Variants in NELL1 observed in about 807,000 individuals in gnomAD.
NELL1 encodes the protein neural EGFL like 1.
A neutral mutation model predicts 107.4 loss-of-function variants in NELL1; 76 were observed. That is an observed-to-expected ratio of 0.71 (90% CI 0.59 to 0.86). The LOEUF is 0.86. NELL1 is among the 40% of genes least tolerant of loss of function. NELL1 has a pLI of 0.00. For missense variants in NELL1, 1,024 were observed against 1,005.5 expected, an observed-to-expected ratio of 1.02 and a Z score of -0.25; for synonymous variants, 353 against 341.2, an observed-to-expected ratio of 1.03 and a Z score of -0.38.
chr11:20,825,816 T>G (rs1003946209), intron 3 of NELL1, among the ~76,000 whole-genome samples: 35 of 151,272 alleles, frequency 2.3e-4, no homozygotes, highest in African/African-American at 8.4e-4. Context: ...TTTTGAAATG[T>G]GAGAAACACA....
intron 12 of NELL1, among the ~76,000 whole-genome samples, chr11:21,073,077 G>A (rs569411490): frequency 2.0e-5 from 3 of 152,192 alleles, no homozygotes; most frequent in African/African-American, 7.2e-5. Context: ...TGGCATTGTA[G>A]GTGTCTCGTC....
chr11:21,254,980 T>C (rs1858732919), intron 14 of NELL1, among the ~76,000 whole-genome samples: 1 of 152,006 alleles, frequency 6.6e-6, no homozygotes, highest in African/African-American at 2.4e-5. Flanking sequence ...GCAGAGGGAA[T>C]GGTAATGATC....
At chr11:21,178,907 C>G (rs886505057) in intron 13 of NELL1, among the ~76,000 whole-genome samples, 2 of 151,608 alleles carry the variant, frequency 1.3e-5, no homozygotes, top group African/African-American at 4.9e-5. Flanking sequence ...ATGTGGTTCT[C>G]AGAGATGGGA....
In NELL1 at chr11:21,229,199, T is replaced by C. The variant is rs538661951; in HGVS notation, c.1427-133T>C. 660 of 930,784 alleles carry C rather than the reference T, an allele frequency of 7.1e-4. 2 individuals are homozygous for C. The highest frequency in any genetic ancestry group is 9.0e-4 in the Non-Finnish European group (559 of 622,530). The allele number at this position is 930,784 out of a possible 1,614,324, so 57.7% of individuals were successfully genotyped here. On this transcript the variant is annotated intron_variant, in intron 13 of 19. Transcript: ENST00000357134. ...GAGTTTAGATTTCAACAGGAACTTT[T>C]AGGCGCATAGTAAGGTACTGACAAG...
chr11:21,121,317 A>G (rs1242788556), intron 13 of NELL1, among the ~76,000 whole-genome samples: 2 of 152,094 alleles, frequency 1.3e-5, no homozygotes, highest in Admixed American at 1.3e-4. Context: ...AGGGACTTGG[A>G]TGGTTCCTGG....
intron 12 of NELL1, among the ~76,000 whole-genome samples, chr11:21,088,451 A>G (rs1040900079): frequency 1.3e-5 from 2 of 152,172 alleles, no homozygotes; most frequent in African/African-American, 4.8e-5. Flanking sequence ...CCAGACTCAA[A>G]CCTGCCTTTG....
chr11:20,964,262 C>A (rs558420711), intron 12 of NELL1, among the ~76,000 whole-genome samples: 1 of 152,056 alleles, frequency 6.6e-6, no homozygotes, highest in South Asian at 2.1e-4. Flanking sequence ...GCAATAGGGG[C>A]CCTACTCATG....
intron 15 of NELL1, among the ~76,000 whole-genome samples, chr11:21,528,364 G>A (rs1378603846): frequency 6.6e-6 from 1 of 152,112 alleles, no homozygotes; most frequent in East Asian, 1.9e-4. Context: ...GGGTCATGGA[G>A]GCATAGCCCT....
intron 15 of NELL1, among the ~76,000 whole-genome samples, chr11:21,485,659 C>A (rs1200591321): frequency 2.0e-5 from 3 of 151,752 alleles, no homozygotes; most frequent in Non-Finnish European, 2.9e-5. Flanking sequence ...GTGGCCCCGC[C>A]CTCCCTGGAG....
At chr11:20,724,644 T>C (rs572073818) in intron 2 of NELL1, among the ~76,000 whole-genome samples, 5 of 152,286 alleles carry the variant, frequency 3.3e-5, no homozygotes, top group African/African-American at 9.6e-5. Context: ...TTATCAGCAT[T>C]TGGTCAAAAC....
At chr11:21,003,630 A>G (rs1590527081) in intron 12 of NELL1, among the ~76,000 whole-genome samples, 1 of 152,208 alleles carries the variant, frequency 6.6e-6, no homozygotes, top group South Asian at 2.1e-4. Context: ...TGTTTTTGGT[A>G]CAGAGACCTA....
intron 15 of NELL1, among the ~76,000 whole-genome samples, chr11:21,511,659 C>A (rs964264551): frequency 6.6e-6 from 1 of 152,008 alleles, no homozygotes; most frequent in Non-Finnish European, 1.5e-5. Flanking sequence ...ATTTGAACTG[C>A]GAGCTAAATA....
chr11:21,173,929 G>T (rs1856659525), intron 13 of NELL1, among the ~76,000 whole-genome samples: 1 of 151,818 alleles, frequency 6.6e-6, no homozygotes, highest in African/African-American at 2.4e-5. Context: ...AATAATTATG[G>T]CAGTGGCTAT....
intron 13 of NELL1, among the ~76,000 whole-genome samples, chr11:21,115,480 G>T (rs1855213697): frequency 6.6e-6 from 1 of 151,980 alleles, no homozygotes; most frequent in Admixed American, 6.6e-5. Context: ...CAGAAGGTTG[G>T]GTGCTGTGGA....
intron 3 of NELL1, among the ~76,000 whole-genome samples, chr11:20,846,793 C>T (rs1848708862): frequency 6.6e-6 from 1 of 152,162 alleles, no homozygotes; most frequent in Non-Finnish European, 1.5e-5. Context: ...ATGACAATGA[C>T]ACATTTCAGA....
chr11:21,363,787 A>T (rs1246274416), intron 14 of NELL1, among the ~76,000 whole-genome samples: 1 of 152,228 alleles, frequency 6.6e-6, no homozygotes, highest in Non-Finnish European at 1.5e-5. Flanking sequence ...CACAGGTTCA[A>T]GATGATATAC....
intron 2 of NELL1, among the ~76,000 whole-genome samples, chr11:20,727,404 A>G (rs4528324): frequency 0.61 from 92,450 of 151,986 alleles, 28,794 homozygotes; most frequent in Middle Eastern, 0.78. Context: ...TCTTTTGAGA[A>G]GTGTCTGTTC....
intron 14 of NELL1, among the ~76,000 whole-genome samples, chr11:21,282,698 G>C (rs917194882): frequency 6.6e-6 from 1 of 152,054 alleles, no homozygotes; most frequent in African/African-American, 2.4e-5. Context: ...AAGGAAATCA[G>C]TGCATAGAAA....
chr11:21,302,969 G>A (rs778879208), intron 14 of NELL1, among the ~76,000 whole-genome samples: 1 of 151,880 alleles, frequency 6.6e-6, no homozygotes. Flanking sequence ...ACTGAAGCGG[G>A]AGGATCACTG....
Sources: allele counts gnomAD v4.1 joint callset (sites outside exome capture counted in the v4.1 genomes callset), GRCh38; gene constraint gnomAD v4.1.1; transcripts MANE v1.5; gene names NCBI Gene and HGNC (gene_info 2026-07-23, HGNC 2026-07-21).